Variants in PTPRK observed in about 807,000 individuals in gnomAD.
PTPRK encodes the protein receptor-type tyrosine-protein phosphatase kappa.
In PTPRK, 75 loss-of-function variants were observed where a neutral mutation model predicts 178.0. The ratio of observed to expected loss-of-function variants is 0.42; its 90% confidence interval spans 0.35 to 0.51. PTPRK has a LOEUF of 0.51. Among genes scored for constraint, PTPRK ranks in the 20% least tolerant of loss-of-function variants. The pLI is 0.02. For synonymous variants in PTPRK, 637 were observed against 620.6 expected, an observed-to-expected ratio of 1.03 and a Z score of -0.39; for missense variants, 1,441 against 1,797.8, an observed-to-expected ratio of 0.80 and a Z score of 3.59.
At chr6:128,302,589 T>C (rs1488032908) in intron 3 of PTPRK, among the ~76,000 whole-genome samples, 1 of 152,150 alleles carries the variant, frequency 6.6e-6, no homozygotes, top group Non-Finnish European at 1.5e-5. Context: ...TTGTCAGTCT[T>C]ACCTGTTCCT....
chr6:128,110,379 G>C (rs1186031064), intron 7 of PTPRK, among the ~76,000 whole-genome samples: 1 of 152,110 alleles, frequency 6.6e-6, no homozygotes, highest in Non-Finnish European at 1.5e-5. Flanking sequence ...ATGTGGAAAA[G>C]TTATCAATCC....
chr6:127,973,278 A>G, intron 28 of PTPRK, 121 bp from the exon 29 acceptor site: 1 of 1,498,140 alleles, frequency 6.7e-7, no homozygotes. Flanking sequence ...TTTGTGTCTT[A>G]ATTTTGCTTT....
At chr6:128,404,130 T>C (rs1841370440) in intron 1 of PTPRK, among the ~76,000 whole-genome samples, 1 of 152,210 alleles carries the variant, frequency 6.6e-6, no homozygotes, top group Non-Finnish European at 1.5e-5. Context: ...CTTTAACTTC[T>C]GCATCACCTC....
At chr6:128,271,319 C>G (rs935817010) in intron 3 of PTPRK, among the ~76,000 whole-genome samples, 1 of 152,094 alleles carries the variant, frequency 6.6e-6, no homozygotes, top group Non-Finnish European at 1.5e-5. Context: ...TAGTTAAGTG[C>G]TTTAAACTCT....
chr6:128,388,135 C>T (rs946426), intron 2 of PTPRK, among the ~76,000 whole-genome samples: 147,760 of 152,300 alleles, frequency 0.97, 71,817 homozygotes, highest in East Asian at 1. Context: ...AGCTTTGAAA[C>T]TCTACTTACA....
At chr6:128,463,520 A>G (rs1487131036) in intron 1 of PTPRK, among the ~76,000 whole-genome samples, 1 of 152,082 alleles carries the variant, frequency 6.6e-6, no homozygotes, top group Non-Finnish European at 1.5e-5. Flanking sequence ...ACGTTTACCA[A>G]CCATTCAAGG....
chr6:128,122,207 G>C (rs1255543956), intron 7 of PTPRK, among the ~76,000 whole-genome samples: 6 of 152,032 alleles, frequency 3.9e-5, no homozygotes, highest in Non-Finnish European at 8.8e-5. Flanking sequence ...TAAGTCTTTG[G>C]GGGAAGACAC....
chr6:128,191,757 G>C (rs1337940121), intron 6 of PTPRK, among the ~76,000 whole-genome samples: 1 of 151,592 alleles, frequency 6.6e-6, no homozygotes, highest in Non-Finnish European at 1.5e-5. Context: ...AACAATAATA[G>C]GTTCCTCTAG....
At chr6:128,385,085 TTAA>T (rs1186778218) in intron 2 of PTPRK, among the ~76,000 whole-genome samples, 1 of 148,006 alleles carries the variant, frequency 6.8e-6, no homozygotes, top group African/African-American at 2.4e-5. Context: ...ATTAATATAA[TTAA>T]TATTATAAAT....
chr6:128,321,302 G>A (rs1828750866), intron 3 of PTPRK: 1 of 153,522 alleles, frequency 6.5e-6, no homozygotes. Flanking sequence ...TCCAGGGACG[G>A]AACCTCATAG....
intron 1 of PTPRK, among the ~76,000 whole-genome samples, chr6:128,447,194 G>A (rs1244797616): frequency 3.3e-5 from 5 of 152,186 alleles, no homozygotes; most frequent in Admixed American, 6.5e-5. Context: ...ATCTTGGTTG[G>A]TAGTGAAAAG....
chr6:128,305,936 G>C (rs1826312604), intron 3 of PTPRK, among the ~76,000 whole-genome samples: 1 of 152,186 alleles, frequency 6.6e-6, no homozygotes, highest in Non-Finnish European at 1.5e-5. Flanking sequence ...CGTGAGACTG[G>C]GTAATTTACA....
At chr6:128,232,367 A>C (rs1258175255) in intron 5 of PTPRK, among the ~76,000 whole-genome samples, 3 of 152,230 alleles carry the variant, frequency 2.0e-5, no homozygotes, top group Non-Finnish European at 4.4e-5. Flanking sequence ...ACAGTTATAG[A>C]ATCACATGTC....
chr6:128,123,172 C>T (rs1792760327), intron 7 of PTPRK, among the ~76,000 whole-genome samples: 1 of 152,070 alleles, frequency 6.6e-6, no homozygotes, highest in Admixed American at 6.5e-5. Flanking sequence ...TGGAGTGATG[C>T]ATCTGGAAGC....
chr6:128,422,024 G>A (rs1343366971), intron 1 of PTPRK, among the ~76,000 whole-genome samples: 3 of 152,174 alleles, frequency 2.0e-5, no homozygotes, highest in African/African-American at 4.8e-5. Context: ...CAACAGAGCT[G>A]CTTTGTATTT....
intron 29 of PTPRK, among the ~76,000 whole-genome samples, chr6:127,971,501 G>A (rs1274108443): frequency 5.3e-5 from 8 of 152,096 alleles, no homozygotes; most frequent in Non-Finnish European, 1.5e-5. Flanking sequence ...AATGTGCCTA[G>A]AAATAGTTAT....
chr6:128,135,116 T>A (rs568972611), intron 7 of PTPRK, among the ~76,000 whole-genome samples: 76 of 132,568 alleles, frequency 5.7e-4, no homozygotes, highest in Middle Eastern at 3.6e-3. Flanking sequence ...ACACACACAC[T>A]CTCCTAATAA....
At chr6:128,344,809 C>T (rs1167153812) in intron 2 of PTPRK, among the ~76,000 whole-genome samples, 1 of 152,136 alleles carries the variant, frequency 6.6e-6, no homozygotes, top group Non-Finnish European at 1.5e-5. Context: ...AGCCACTGTG[C>T]CTGGCCCACC....
At chr6:128,116,052 G>T (rs1423866947) in intron 7 of PTPRK, among the ~76,000 whole-genome samples, 1 of 152,012 alleles carries the variant, frequency 6.6e-6, no homozygotes, top group African/African-American at 2.4e-5. Context: ...GAAAATCACA[G>T]CTTATCTCAA....
Sources: allele counts gnomAD v4.1 joint callset (sites outside exome capture counted in the v4.1 genomes callset), GRCh38; gene constraint gnomAD v4.1.1; transcripts MANE v1.5; gene names NCBI Gene and HGNC (gene_info 2026-07-23, HGNC 2026-07-21).